CDK18: variants seen among roughly 807,000 people sequenced by gnomAD.
CDK18 encodes cyclin dependent kinase 18.
In CDK18, 52 loss-of-function variants were observed where a neutral mutation model predicts 62.0. That is an observed-to-expected ratio of 0.84 (90% CI 0.67 to 1.06). CDK18 has a LOEUF of 1.06. Ranked by LOEUF, CDK18 falls within the 50% of genes least tolerant of loss-of-function variation. CDK18 has a pLI of 0.00. For missense variants in CDK18, 604 were observed against 619.9 expected, an observed-to-expected ratio of 0.97 and a Z score of 0.27; for synonymous variants, 237 against 247.0, an observed-to-expected ratio of 0.96 and a Z score of 0.38.
At chr1:205,523,066 A>C in intron 1 of CDK18, 81 bp from the exon 2 acceptor site, 3 of 1,437,338 alleles carry the variant, frequency 2.1e-6, no homozygotes, top group Non-Finnish European at 1.9e-6. Flanking sequence ...GCTTGATGAG[A>C]GAGCTGAATT....
intron 14 of CDK18, 51 bp from the exon 15 acceptor site, chr1:205,530,577 G>A (rs200525187): frequency 6.5e-7 from 1 of 1,534,144 alleles, no homozygotes; most frequent in Non-Finnish European, 9.0e-7. Flanking sequence ...AGTCCTTACT[G>A]GAGGCCAGCT....
In CDK18 at chr1:205,528,807, C is replaced by T. The variant is rs1459413188; in HGVS notation, c.975-192C>T. Reference sequence around the variant, plus strand: ...CGCAGCTTTCCCGAGCCCAGGGAAGCCCCCCAGAGAGGGGCTGTAGTGGGG... The same window carrying T: ...CGCAGCTTTCCCGAGCCCAGGGAAGTCCCCCAGAGAGGGGCTGTAGTGGGG... On this transcript the variant is annotated intron_variant, in intron 10 of 15. Transcript: ENST00000429964. This position sits in a 1 kb window ranked among gnomAD's most constrained non-coding sequence, Gnocchi z 4.2. The T allele has an allele frequency of 4.2e-6, 2 of 473,420 alleles. No individual in the cohort carries two copies. Among genetic ancestry groups the T allele is most frequent in the Middle Eastern group, 5.4e-4 (1 of 1,836 alleles). 29.3% of individuals were successfully genotyped at this position (473,420 alleles called of 1,614,324 possible).
chr1:205,529,731 T>A, intron 13 of CDK18, 168 bp downstream of exon 13: 1 of 1,537,176 alleles, frequency 6.5e-7, no homozygotes, highest in Non-Finnish European at 8.7e-7. Flanking sequence ...TCCATACACA[T>A]CCTCTGGAGT....
In CDK18 at chr1:205,528,016, G is replaced by T; in HGVS notation, c.854-32G>T. ...TAGCAGTCAACCCCACAGCACCTGT[G>T]GACAGAGGTCCAGTGACATGTCTGC... is the stretch of plus-strand genomic sequence containing the variant. On this transcript the variant is annotated intron_variant, in intron 9 of 15. Transcript: ENST00000429964. The surrounding 1 kb of genome is among the most constrained non-coding windows in gnomAD (Gnocchi z 4.2). 6.2e-7 allele frequency: 1 copy of T among 1,614,012 alleles called. No homozygotes were observed. The highest frequency in any genetic ancestry group is 2.2e-5 in the East Asian group (1 of 44,880).
At position 205,526,112 on chromosome 1, in the gene CDK18, C is replaced by A. The variant is rs374754341; in HGVS notation, c.504C>A (p.Asn168Lys). 2.5e-6 allele frequency: 4 copies of A among 1,613,960 alleles called. No individual in the cohort carries two copies. The highest frequency in any genetic ancestry group is 2.7e-5 in the African/African-American group (2 of 74,936). ...AAGGGCGCAGCAAACTGACGGAGAACCTTGTGGCCCTGAAAGAGATCCGGC... is the reference window on the plus strand; with the variant it reads ...AAGGGCGCAGCAAACTGACGGAGAAACTTGTGGCCCTGAAAGAGATCCGGC... ...VFKGRSKLTE[N>K]LVALKEIRLE... is the part of the protein sequence containing the mutation. The change falls in exon 6 of 16, where the codon AAC becomes AAA. Residue 168 changes from asparagine (N) to lysine (K), a missense_variant. Physicochemically the swap from Asn to Lys is moderately conservative, Grantham distance 94. Coordinates refer to ENST00000429964, the MANE Select transcript of CDK18 (RefSeq NM_212502.3).
chr1:205,525,292 T>C (rs939279770), intron 5 of CDK18, 97 bp downstream of exon 5: 8 of 802,858 alleles, frequency 1.0e-5, no homozygotes, highest in Non-Finnish European at 1.2e-5. Context: ...CGGCCCTCTC[T>C]GGTTGGCCCT....
chr1:205,527,443 C>T lies in CDK18; in HGVS notation c.730-351C>T, dbSNP rs1668491172. The T allele has an allele frequency of 4.0e-6, 1 of 248,480 alleles. No individual in the cohort carries two copies. Among genetic ancestry groups the T allele is most frequent in the Non-Finnish European group, 7.8e-6 (1 of 127,980 alleles). 15.4% of individuals were successfully genotyped at this position (248,480 alleles called of 1,614,324 possible). On this transcript the variant is annotated intron_variant, in intron 8 of 15. Transcript: ENST00000429964. This position sits in a 1 kb window ranked among gnomAD's most constrained non-coding sequence, Gnocchi z 4.1. ...GCAGTGAGCCATGATCACACCACTG[C>T]ACTCCAGCCTGGGTGACAGAGTAAA...
chr1:205,526,439 TC>T lies in CDK18; in HGVS notation c.645del (p.Thr216ProfsTer11). On this transcript the variant is annotated frameshift_variant, in exon 7 of 16. Transcript: ENST00000429964. LOFTEE classifies it high-confidence loss of function. ...GACCTCATCCACACAGATCGGTCCC[TC>T]ACCCTGGTGTTTGAGTACCTGGTGA... ...LHDLIHTDRS[L>X]TLVFEYLDSD... 1 of 1,613,926 alleles carries T rather than the reference TC, an allele frequency of 6.2e-7. No individual in the cohort carries two copies. The highest frequency in any genetic ancestry group is 8.5e-7 in the Non-Finnish European group (1 of 1,179,800).
At chr1:205,518,290 A>G (rs751038188) in intron 1 of CDK18, among the ~76,000 whole-genome samples, 1 of 152,194 alleles carries the variant, frequency 6.6e-6, no homozygotes, top group Admixed American at 6.5e-5. Context: ...AGAAAGTATT[A>G]GGAAAGGAAT....
chr1:205,514,583 C>T (rs1667726617), intron 1 of CDK18, among the ~76,000 whole-genome samples: 1 of 152,168 alleles, frequency 6.6e-6, no homozygotes, highest in Non-Finnish European at 1.5e-5. Context: ...GCAGTGTGTC[C>T]TGGATCTTAA....
chr1:205,529,498 G>A (rs1280988002), intron 12 of CDK18, 23 bp from the exon 13 acceptor site: 2 of 1,609,204 alleles, frequency 1.2e-6, no homozygotes, highest in Admixed American at 1.7e-5. Context: ...GGCACAGCCT[G>A]TGTCCGCGCC....
At chr1:205,530,432 G>A (rs908299790) in intron 14 of CDK18, 83 bp downstream of exon 14, 6 of 1,425,870 alleles carry the variant, frequency 4.2e-6, no homozygotes, top group African/African-American at 1.4e-5. Context: ...CCAGAACAAA[G>A]AGGCCAGAGG....
intron 14 of CDK18, 43 bp downstream of exon 14, chr1:205,530,392 GA>G: frequency 6.3e-7 from 1 of 1,578,498 alleles, no homozygotes; most frequent in South Asian, 1.1e-5. Context: ...CAGAACCAAG[GA>G]AAGGGGTTGG....
At position 205,527,580 on chromosome 1, in the gene CDK18, A is replaced by T; in HGVS notation, c.730-214A>T. ...GACTGAGACTTCGCTGGCCTCCCCCACACTCACTGCGTCCTCTGCACCCCT... is the reference window on the plus strand; with the variant it reads ...GACTGAGACTTCGCTGGCCTCCCCCTCACTCACTGCGTCCTCTGCACCCCT... On this transcript the variant is annotated intron_variant, in intron 8 of 15. Coordinates refer to ENST00000429964, the MANE Select transcript of CDK18 (RefSeq NM_212502.3). The surrounding 1 kb of genome is among the most constrained non-coding windows in gnomAD (Gnocchi z 4.1). The T allele has an allele frequency of 1.8e-6, 1 of 543,966 alleles. No homozygotes were observed. Among genetic ancestry groups the T allele is most frequent in the Middle Eastern group, 4.8e-4 (1 of 2,072 alleles). 33.7% of individuals were successfully genotyped at this position (543,966 alleles called of 1,614,324 possible). A position where few individuals can be genotyped will look rare whatever the true frequency, so the allele number is the denominator to read the frequency against.
At chr1:205,519,095 G>GGCTGT (rs1272414759) in intron 1 of CDK18, among the ~76,000 whole-genome samples, 2 of 152,190 alleles carry the variant, frequency 1.3e-5, no homozygotes, top group Non-Finnish European at 2.9e-5. Context: ...TGGGGACAAA[G>GGCTGT]GCTGTGCTGT....
chr1:205,531,231 C>A, intron 15 of CDK18, 113 bp from the exon 16 acceptor site: 1 of 921,054 alleles, frequency 1.1e-6, no homozygotes, highest in Non-Finnish European at 1.8e-6. Flanking sequence ...TGTTTGCATG[C>A]CCTTGCTTGC....
rs771927383 is a variant in CDK18, at chr1:205,528,154, C to T, written c.960C>T (p.Thr320=). The change falls in exon 10 of 16, where the codon ACC becomes ACT. Residue 320 remains threonine (T), a synonymous_variant. Coordinates refer to ENST00000429964, the MANE Select transcript of CDK18 (RefSeq NM_212502.3). This position sits in a 1 kb window ranked among gnomAD's most constrained non-coding sequence, Gnocchi z 4.2. ...TGCTGGGATCCACAGAGTACTCCACCCCCATTGATATGTGGTGAGTGAGCA... is the reference window on the plus strand; with the variant it reads ...TGCTGGGATCCACAGAGTACTCCACTCCCATTGATATGTGGTGAGTGAGCA... ...DVLLGSTEYS[T]PIDMWGVGCI... is the part of the protein sequence containing the mutation. 2.5e-6 allele frequency: 4 copies of T among 1,613,580 alleles called. No homozygotes were observed. The South Asian group carries it at 3.3e-5, about 13-fold the overall frequency.
chr1:205,531,020 A>G (rs569792543), intron 15 of CDK18, among the ~76,000 whole-genome samples: 1 of 152,230 alleles, frequency 6.6e-6, no homozygotes. Flanking sequence ...CTTTGTTCCT[A>G]GAACAGTCAA....
rs528813276 is a variant in CDK18, at chr1:205,531,526, G to A, written c.*148G>A. ...CCGCTTGGCAGCCCTTCTGGCCACG[G>A]CTGTTTCTTCTTTGTGCTTCCCGTG... On this transcript the variant is annotated 3_prime_UTR_variant, in exon 16 of 16. Transcript: ENST00000429964. The A allele has an allele frequency of 3.5e-5, 25 of 710,664 alleles. No individual in the cohort carries two copies. The African/African-American group carries it at 4.2e-4, about 12-fold the overall frequency. 44.0% of individuals were successfully genotyped at this position (710,664 alleles called of 1,614,324 possible). A position where few individuals can be genotyped will look rare whatever the true frequency, so the allele number is the denominator to read the frequency against.
Sources: allele counts gnomAD v4.1 joint callset (sites outside exome capture counted in the v4.1 genomes callset), GRCh38; gene constraint gnomAD v4.1.1; non-coding constraint Gnocchi (gnomAD v3.1); transcripts MANE v1.5; gene names NCBI Gene and HGNC (gene_info 2026-07-23, HGNC 2026-07-21).